The following MICAL2 variants were observed in gnomAD, a reference collection of about 807,000 sequenced individuals.
MICAL2 encodes [F-actin]-monooxygenase MICAL2.
MICAL2 carries 77 observed loss-of-function variants against 127.3 expected under a neutral mutation model. The ratio of observed to expected loss-of-function variants is 0.60; its 90% CI spans 0.50 to 0.73. MICAL2 has a LOEUF of 0.73. Ranked by LOEUF, MICAL2 falls within the 30% of genes least tolerant of loss-of-function variation. The pLI is 0.00. For missense variants in MICAL2, 1,351 were observed against 1,434.4 expected, an observed-to-expected ratio of 0.94 and a Z score of 0.94; for synonymous variants, 570 against 551.1, an observed-to-expected ratio of 1.03 and a Z score of -0.48.
chr11:12,318,716 G>A (rs191878424), intron 29 of MICAL2, among the ~76,000 whole-genome samples: 1 of 152,224 alleles, frequency 6.6e-6, no homozygotes, highest in Non-Finnish European at 1.5e-5. Flanking sequence ...AATCAGAGTG[G>A]GTTAATCCAG....
intron 3 of MICAL2, among the ~76,000 whole-genome samples, chr11:12,173,468 A>G (rs1157522616): frequency 6.6e-6 from 1 of 152,210 alleles, no homozygotes; most frequent in Admixed American, 6.5e-5. Flanking sequence ...CTCTAGCTTT[A>G]AGAGAATGAG....
chr11:12,165,595 A>G (rs1257463332), intron 3 of MICAL2, among the ~76,000 whole-genome samples: 2 of 152,244 alleles, frequency 1.3e-5, no homozygotes, highest in Middle Eastern at 3.2e-3. Context: ...CCTTTGTGCT[A>G]AAGTGGATGC....
chr11:12,137,058 ACAAGT>A (rs745827120), intron 1 of MICAL2, among the ~76,000 whole-genome samples: 161 of 152,326 alleles, frequency 1.1e-3, no homozygotes, highest in Admixed American at 1.8e-3. Flanking sequence ...CAGGGGGCAG[ACAAGT>A]CAAGGCCTCT....
chr11:12,242,437 G>C lies in MICAL2; in HGVS notation c.2556+5G>C, dbSNP rs769997598. ...GTGGAGGAAAAGATTCTCCAGGTGA[G>C]AGACTCACTTTTTGCCCGTCTCTGT... On this transcript the variant is annotated splice_donor_5th_base_variant and intron_variant, in intron 19 of 27. Coordinates refer to ENST00000683283, the MANE Select transcript of MICAL2 (RefSeq NM_001282663.2). The C allele has an allele frequency of 1.3e-6, 2 of 1,596,532 alleles. No individual in the cohort carries two copies. The highest frequency in any genetic ancestry group is 1.7e-6 in the Non-Finnish European group (2 of 1,169,530).
At position 12,162,126 on chromosome 11, in the gene MICAL2, C is replaced by A. The variant is rs188548541; in HGVS notation, c.-30C>A. ...TCATGCTGTTCACCTGTGTCCTCGC[C>A]GCACCACTGCCGCACACGACTCCTG... On this transcript the variant is annotated 5_prime_UTR_variant, in exon 3 of 28. Coordinates refer to ENST00000683283, the MANE Select transcript of MICAL2 (RefSeq NM_001282663.2). 2 of 1,613,388 alleles carry A rather than the reference C, an allele frequency of 1.2e-6. No homozygotes were observed. Among genetic ancestry groups the A allele is most frequent in the Non-Finnish European group, 1.7e-6 (2 of 1,179,804 alleles).
At chr11:12,351,878 C>T (rs184532271) in intron 33 of MICAL2, among the ~76,000 whole-genome samples, 21 of 151,068 alleles carry the variant, frequency 1.4e-4, no homozygotes, top group African/African-American at 4.9e-4. Flanking sequence ...GCAGCCTCCA[C>T]CTCCTGGGTT....
intron 2 of MICAL2, among the ~76,000 whole-genome samples, chr11:12,150,800 G>A (rs569594719): frequency 3.9e-5 from 6 of 152,148 alleles, no homozygotes; most frequent in Non-Finnish European, 7.4e-5. Context: ...GTTTTTAGTC[G>A]TCTTACCATA....
intron 1 of MICAL2, among the ~76,000 whole-genome samples, chr11:12,128,574 G>T (rs1177142820): frequency 1.3e-5 from 2 of 152,242 alleles, no homozygotes; most frequent in Admixed American, 6.5e-5. Context: ...GAGAGCAGAG[G>T]CATGGCCAAT....
At chr11:12,185,087 G>A (rs1239121389) in intron 3 of MICAL2, among the ~76,000 whole-genome samples, 1 of 123,088 alleles carries the variant, frequency 8.1e-6, no homozygotes, top group Non-Finnish European at 1.7e-5. Flanking sequence ...CTGACTGGAT[G>A]GGTGGGGGGA....
chr11:12,213,185 C>G, intron 6 of MICAL2, 70 bp from the exon 7 acceptor site: 1 of 1,509,812 alleles, frequency 6.6e-7, no homozygotes, highest in Admixed American at 2.0e-5. Context: ...AACAGCTCTC[C>G]CAATAATCAT....
In MICAL2 at chr11:12,285,316, A is replaced by C. The variant is rs188986919; in HGVS notation, c.255-1771A>C. 3.3e-5 allele frequency among the ~76,000 whole-genome samples: 5 copies of C among 152,282 alleles called. No individual in the cohort carries two copies. In the East Asian group the frequency reaches 7.7e-4, roughly 24 times the overall value. ...AATAGTGATGTTAGCCTCAAGATGC[A>C]ATTTGGGAAGGTTCGGAATCTTGCA... is the stretch of plus-strand genomic sequence containing the variant. On this transcript the variant is annotated intron_variant, in intron 2 of 2. Transcript: ENST00000529028.
chr11:12,178,084 G>A lies in MICAL2; in HGVS notation c.264+15665G>A, dbSNP rs184160770. On this transcript the variant is annotated intron_variant, in intron 3 of 27. Coordinates refer to ENST00000683283, the MANE Select transcript of MICAL2 (RefSeq NM_001282663.2). Reference sequence around the variant, plus strand: ...GCCAAGCCAGTTTCCAGGGAGGAGAGAAGGGCTGAAGGTTAATTCGCTCAT... The same window carrying A: ...GCCAAGCCAGTTTCCAGGGAGGAGAAAAGGGCTGAAGGTTAATTCGCTCAT... 1.7e-3 allele frequency among the ~76,000 whole-genome samples: 252 copies of A among 152,320 alleles called. 1 individual carries two copies. The highest frequency in any genetic ancestry group is 2.2e-3 in the Non-Finnish European group (151 of 68,036).
intron 32 of MICAL2, chr11:12,349,777 C>A: frequency 6.6e-7 from 1 of 1,526,474 alleles, no homozygotes; most frequent in Non-Finnish European, 9.1e-7. Flanking sequence ...TGGCTCAAAG[C>A]AGTTTGATCA....
chr11:12,213,643 T>C (rs1661841305), intron 7 of MICAL2, among the ~76,000 whole-genome samples: 1 of 152,162 alleles, frequency 6.6e-6, no homozygotes, highest in Non-Finnish European at 1.5e-5. Flanking sequence ...ATAGTGGACA[T>C]TTGCTGAGTG....
intron 7 of MICAL2, among the ~76,000 whole-genome samples, chr11:12,213,703 G>A (rs1480163079): frequency 1.3e-5 from 2 of 152,166 alleles, no homozygotes; most frequent in Non-Finnish European, 1.5e-5. Context: ...AGGTTGACAC[G>A]ATCCTTCCCA....
chr11:12,360,402 T>G (rs927688727), downstream of MICAL2, among the ~76,000 whole-genome samples: 2 of 152,176 alleles, frequency 1.3e-5, no homozygotes, highest in Non-Finnish European at 2.9e-5. Context: ...TTGTATAGTA[T>G]TAAAGATTTC....
At chr11:12,270,778 T>C (rs11022270) in intron 24 of MICAL2, among the ~76,000 whole-genome samples, 91,013 of 152,044 alleles carry the variant, frequency 0.6, 27,868 homozygotes, top group Non-Finnish European at 0.63. Flanking sequence ...ATTGGTCAAG[T>C]GTGATAACTC....
At chr11:12,163,374 A>T (rs1855073240) in intron 3 of MICAL2, among the ~76,000 whole-genome samples, 2 of 152,216 alleles carry the variant, frequency 1.3e-5, no homozygotes, top group South Asian at 4.1e-4. Flanking sequence ...GCTCAGCTAG[A>T]ACCCTAGGAA....
intron 32 of MICAL2, among the ~76,000 whole-genome samples, chr11:12,337,797 G>A (rs34566650): frequency 0.078 from 11,880 of 152,162 alleles, 705 homozygotes; most frequent in African/African-American, 0.16. Flanking sequence ...GTTCTAGTTT[G>A]ATTGCACTAT....
Sources: gnomAD v4.1 joint callset for allele counts (sites outside exome capture counted in the v4.1 genomes callset) on GRCh38, gnomAD v4.1.1 for gene constraint, MANE v1.5 for transcripts, NCBI Gene and HGNC (gene_info 2026-07-23, HGNC 2026-07-21) for gene names.